Variants in DCLK2 observed in about 807,000 individuals in gnomAD.
DCLK2 encodes doublecortin like kinase 2, also known as serine/threonine-protein kinase DCLK2.
A neutral mutation model predicts 78.4 loss-of-function variants in DCLK2; 31 were observed. That is an observed-to-expected ratio of 0.40 (90% confidence interval 0.30 to 0.53). The LOEUF is 0.53. DCLK2 is among the 20% of genes least tolerant of loss of function. The pLI, the probability that DCLK2 is intolerant of heterozygous loss-of-function variation, is 0.61. For missense variants in DCLK2, 872 were observed against 973.7 expected, an observed-to-expected ratio of 0.90 and a Z score of 1.39; for synonymous variants, 407 against 374.9, an observed-to-expected ratio of 1.09 and a Z score of -0.99.
chr4:150,250,657 A>C (rs553870334), intron 15 of DCLK2, among the ~76,000 whole-genome samples: 32 of 151,894 alleles, frequency 2.1e-4, no homozygotes, highest in African/African-American at 7.5e-4. Context: ...CTGACAGCTA[A>C]GGATGGGCCA....
In DCLK2 at chr4:150,224,570, A is replaced by G; in HGVS notation, c.1299+12A>G. 8 of 1,603,104 alleles carry G rather than the reference A, an allele frequency of 5.0e-6. No homozygotes were observed. Among genetic ancestry groups the G allele is most frequent in the Non-Finnish European group, 6.8e-6 (8 of 1,176,022 alleles). On this transcript the variant is annotated intron_variant, in intron 8 of 15. Transcript: ENST00000296550. ...AATGTTGTGGAAAGGTATAGTATGCATAACCCCTAGTTCTGAAAGAAACTA... is the reference window on the plus strand; with the variant it reads ...AATGTTGTGGAAAGGTATAGTATGCGTAACCCCTAGTTCTGAAAGAAACTA...
At chr4:150,084,748 A>T (rs1020691723) in intron 1 of DCLK2, among the ~76,000 whole-genome samples, 13 of 152,176 alleles carry the variant, frequency 8.5e-5, no homozygotes, top group African/African-American at 2.9e-4. Context: ...AGGAAACCAG[A>T]TTCTCTTGGG....
chr4:150,248,206 C>G, intron 13 of DCLK2, 99 bp from the exon 14 acceptor site: 2 of 987,818 alleles, frequency 2.0e-6, no homozygotes, highest in Non-Finnish European at 3.2e-6. Flanking sequence ...TGTGCTGGCT[C>G]TTCTCTGAAG....
chr4:150,195,614 T>G (rs1261537573), intron 3 of DCLK2, among the ~76,000 whole-genome samples: 1 of 147,650 alleles, frequency 6.8e-6, no homozygotes, highest in Non-Finnish European at 1.5e-5. Context: ...TGTTCTGGTT[T>G]ATAAAGTTAA....
At chr4:150,201,501 A>G (rs1469776129) in intron 4 of DCLK2, among the ~76,000 whole-genome samples, 1 of 152,340 alleles carries the variant, frequency 6.6e-6, no homozygotes, top group East Asian at 1.9e-4. Context: ...TGTGATTAGT[A>G]TCTCTTTTAG....
intron 2 of DCLK2, among the ~76,000 whole-genome samples, chr4:150,184,337 G>C (rs887972637): frequency 2.6e-5 from 4 of 152,148 alleles, no homozygotes; most frequent in African/African-American, 9.7e-5. Context: ...ACTTAAAATA[G>C]TGTTTCTTTT....
At chr4:150,233,262 C>G (rs777898458) in intron 10 of DCLK2, among the ~76,000 whole-genome samples, 27 of 152,150 alleles carry the variant, frequency 1.8e-4, no homozygotes, top group Admixed American at 3.3e-4. Context: ...TGAGAACTCA[C>G]TACCACAGGA....
At chr4:150,109,988 T>C (rs1266566299) in intron 2 of DCLK2, among the ~76,000 whole-genome samples, 1 of 152,214 alleles carries the variant, frequency 6.6e-6, no homozygotes, top group African/African-American at 2.4e-5. Flanking sequence ...TGTTTAGATA[T>C]CCCTCTTCTT....
chr4:150,203,083 G>A (rs72969287), intron 4 of DCLK2, among the ~76,000 whole-genome samples: 5,569 of 152,126 alleles, frequency 0.037, 332 homozygotes, highest in African/African-American at 0.12. Flanking sequence ...GATCTAAATC[G>A]AGCTTTCAAC....
At chr4:150,188,904 C>CAAAAA (rs59096633) in intron 2 of DCLK2, among the ~76,000 whole-genome samples, 1 of 94,122 alleles carries the variant, frequency 1.1e-5, no homozygotes, top group Non-Finnish European at 2.2e-5. Flanking sequence ...GACTCTGTCT[C>CAAAAA]AAAAAAAAAA....
chr4:150,105,335 A>G (rs1182391966), intron 2 of DCLK2, among the ~76,000 whole-genome samples: 3 of 152,164 alleles, frequency 2.0e-5, no homozygotes, highest in East Asian at 1.9e-4. Context: ...GACAAATGCT[A>G]CAATGAAAAA....
intron 12 of DCLK2, among the ~76,000 whole-genome samples, 197 bp downstream of exon 12, chr4:150,240,673 G>A (rs368395727): frequency 1.4e-4 from 20 of 147,526 alleles, no homozygotes; most frequent in East Asian, 2.0e-4. Flanking sequence ...TGGGTGCAGC[G>A]CACCAGCATG....
In DCLK2 at chr4:150,078,873, C is replaced by A; in HGVS notation, c.-155C>A. ...GGGCGCGGGCGGGTCGGCTCCTCCG[C>A]GGCTCCTCGGCCCCACCTGCGCGGA... is the stretch of plus-strand genomic sequence containing the variant. On this transcript the variant is annotated 5_prime_UTR_variant, in exon 1 of 16. Coordinates refer to ENST00000296550, the MANE Select transcript of DCLK2 (RefSeq NM_001040260.4). 1.0e-6 allele frequency: 1 copy of A among 994,766 alleles called. No homozygotes were observed. The highest frequency in any genetic ancestry group is 1.4e-6 in the Non-Finnish European group (1 of 724,826). 61.6% of individuals were successfully genotyped at this position (994,766 alleles called of 1,614,324 possible). A position where few individuals can be genotyped will look rare whatever the true frequency, so the allele number is the denominator to read the frequency against.
rs914778616 is a variant in DCLK2, at chr4:150,249,475, G to T, written c.1957-93G>T. On this transcript the variant is annotated intron_variant, in intron 14 of 15. Transcript: ENST00000296550. ...GCCCATTTAGGAAGAGGTCAGGAGG[G>T]TGGTTGAGGCGGGGAGGGGGACTCT... is the stretch of plus-strand genomic sequence containing the variant. 61 of 965,068 alleles carry T rather than the reference G, an allele frequency of 6.3e-5. No individual in the cohort carries two copies. The South Asian group carries it at 6.3e-4, about 10-fold the overall frequency. The allele number at this position is 965,068 out of a possible 1,614,324, so 59.8% of individuals were successfully genotyped here.
intron 2 of DCLK2, among the ~76,000 whole-genome samples, chr4:150,172,760 TGGG>T (rs34505816): frequency 0.019 from 2,363 of 124,956 alleles, 107 homozygotes; most frequent in African/African-American, 0.055. Flanking sequence ...TTTTTTTTTT[TGGG>T]GGGGGGGGGG....
intron 2 of DCLK2, among the ~76,000 whole-genome samples, chr4:150,162,759 T>G (rs147576991): frequency 1.3e-5 from 2 of 152,262 alleles, no homozygotes; most frequent in East Asian, 3.9e-4. Context: ...GCATGAGCAC[T>G]GTGCCCAGCC....
At chr4:150,240,766 AAAG>A (rs1180801411) in intron 12 of DCLK2, among the ~76,000 whole-genome samples, 7 of 81,056 alleles carry the variant, frequency 8.6e-5, no homozygotes, top group Admixed American at 2.7e-4. Context: ...AAAAAAAGAA[AAAG>A]AAAAAAAAAA....
At chr4:150,207,306 C>A (rs1261047992) in intron 5 of DCLK2, among the ~76,000 whole-genome samples, 1 of 152,176 alleles carries the variant, frequency 6.6e-6, no homozygotes, top group Non-Finnish European at 1.5e-5. Flanking sequence ...ATTTTATTCA[C>A]TAGGGAACTA....
At chr4:150,104,836 A>G (rs1731147665) in intron 2 of DCLK2, among the ~76,000 whole-genome samples, 1 of 152,170 alleles carries the variant, frequency 6.6e-6, no homozygotes, top group African/African-American at 2.4e-5. Context: ...TAAACACTGG[A>G]AGTATTTCTA....
Sources: gnomAD v4.1 joint callset for allele counts (sites outside exome capture counted in the v4.1 genomes callset) on GRCh38, gnomAD v4.1.1 for gene constraint, MANE v1.5 for transcripts, NCBI Gene and HGNC (gene_info 2026-07-23, HGNC 2026-07-21) for gene names.